DPYD: variants seen among roughly 807,000 people sequenced by gnomAD.
DPYD encodes dihydropyrimidine dehydrogenase [NADP(+)].
In DPYD, 109 loss-of-function variants were observed where a neutral mutation model predicts 116.2. The observed-to-expected ratio is 0.94, with a 90% confidence interval of 0.80 to 1.10. The LOEUF (loss-of-function observed/expected upper bound fraction) is 1.10, where lower values mean the gene tolerates loss of function less well. Among genes scored for constraint, DPYD ranks in the 50% least tolerant of loss-of-function variants. The probability of loss-of-function intolerance (pLI) is 0.00; values close to 1 mark genes in which losing one functional copy is unlikely to be tolerated. For synonymous variants in DPYD, 440 were observed against 432.0 expected (o/e 1.02, Z -0.23); for missense variants, 1,302 against 1,254.5 (o/e 1.04, Z -0.57).
chr1:97,611,872 G>A lies in DPYD; in HGVS notation c.851-16706C>T, dbSNP rs537615005. Among the ~76,000 whole-genome samples the A allele has an allele frequency of 6.6e-5, 10 of 152,126 alleles. No homozygotes were observed. The East Asian group carries it at 1.9e-3, about 29-fold the overall frequency. ...GTGGTACTTAATAGTTACTACACAG[G>A]TGTTAGTTGTAGTAAAACGTATTCT... On this transcript the variant is annotated intron_variant, in intron 8 of 22. Transcript: ENST00000370192.
intron 20 of DPYD, among the ~76,000 whole-genome samples, chr1:97,176,070 CTA>C (rs1207709644): frequency 1.3e-5 from 2 of 152,174 alleles, no homozygotes; most frequent in Non-Finnish European, 2.9e-5. Flanking sequence ...TCAGTGAAGC[CTA>C]TGTCTTGAGT....
intron 20 of DPYD, among the ~76,000 whole-genome samples, chr1:97,177,894 G>A (rs1657399495): frequency 6.6e-6 from 1 of 152,002 alleles, no homozygotes; most frequent in Non-Finnish European, 1.5e-5. Flanking sequence ...TGGGAGATTT[G>A]GTATCTGGGG....
intron 1 of DPYD, among the ~76,000 whole-genome samples, chr1:97,884,040 T>C (rs1347268224): frequency 6.6e-6 from 1 of 151,972 alleles, no homozygotes; most frequent in Non-Finnish European, 1.5e-5. Flanking sequence ...ATTGATATAA[T>C]GACATCATTA....
chr1:97,370,275 A>G (rs1008989268), intron 16 of DPYD, among the ~76,000 whole-genome samples: 1 of 152,198 alleles, frequency 6.6e-6, no homozygotes, highest in East Asian at 1.9e-4. Context: ...AGGGACATGG[A>G]TGAAGCTGGA....
rs1420781688 is a variant in DPYD at position 97,078,808 on chromosome 1, C to T, written c.*168G>A. The T allele has an allele frequency of 3.9e-6, 3 of 760,506 alleles. No homozygotes were observed. The highest frequency in any genetic ancestry group is 3.5e-5 in the African/African-American group (2 of 57,034). 47.1% of individuals were successfully genotyped at this position (760,506 alleles called of 1,614,324 possible). A position where few individuals can be genotyped will look rare whatever the true frequency, so the allele number is the denominator to read the frequency against. On this transcript the variant is annotated 3_prime_UTR_variant, in exon 23 of 23. Coordinates refer to ENST00000370192, the MANE Select transcript of DPYD (RefSeq NM_000110.4). ...TGACCACTAATTGAATGGTCATTGA[C>T]ATGAGACATTTTTTACACTTACAAA... is the stretch of plus-strand genomic sequence containing the variant.
At chr1:97,205,947 G>C (rs148961937) in intron 19 of DPYD, among the ~76,000 whole-genome samples, 1 of 152,094 alleles carries the variant, frequency 6.6e-6, no homozygotes, top group South Asian at 2.1e-4. Context: ...GGCATCTCCA[G>C]CGCTTAATGG....
At chr1:97,877,905 A>G (rs1257564087) in intron 2 of DPYD, among the ~76,000 whole-genome samples, 4 of 152,022 alleles carry the variant, frequency 2.6e-5, no homozygotes, top group Non-Finnish European at 4.4e-5. Flanking sequence ...AGTGGATTTC[A>G]TCTCTTAATA....
chr1:97,177,595 G>GAT (rs10645994), intron 20 of DPYD, among the ~76,000 whole-genome samples: 33,252 of 147,362 alleles, frequency 0.23, 3,963 homozygotes, highest in East Asian at 0.39. Flanking sequence ...ATTCCTATAA[G>GAT]ATATATATAT....
intron 14 of DPYD, among the ~76,000 whole-genome samples, chr1:97,434,803 C>T (rs1478103312): frequency 6.6e-6 from 1 of 151,996 alleles, no homozygotes; most frequent in Non-Finnish European, 1.5e-5. Flanking sequence ...ACAGTGGGGA[C>T]TGTGTGGTCA....
chr1:97,663,672 A>G (rs1275418361), intron 8 of DPYD, among the ~76,000 whole-genome samples: 1 of 152,190 alleles, frequency 6.6e-6, no homozygotes, highest in Non-Finnish European at 1.5e-5. Context: ...CACAAAGTAA[A>G]CACTCAATAA....
At chr1:97,609,369 A>C (rs1322615986) in intron 8 of DPYD, among the ~76,000 whole-genome samples, 1 of 151,994 alleles carries the variant, frequency 6.6e-6, no homozygotes, top group Non-Finnish European at 1.5e-5. Flanking sequence ...TCTACAGAAG[A>C]TAAAGAAAAA....
intron 16 of DPYD, among the ~76,000 whole-genome samples, chr1:97,347,632 G>C (rs185561379): frequency 1.3e-5 from 2 of 151,822 alleles, no homozygotes; most frequent in Non-Finnish European, 2.9e-5. Flanking sequence ...AGGTTGTACC[G>C]GGCTCATAAA....
chr1:97,469,397 C>CAAAAAAAAAAAAAAAAAAAAAAAAACA (rs1677505545), intron 13 of DPYD, among the ~76,000 whole-genome samples: 1 of 80,800 alleles, frequency 1.2e-5, no homozygotes, highest in Non-Finnish European at 2.1e-5. Flanking sequence ...GCTAAAATTG[C>CAAAAAAAAAAAAAAAAAAAAAAAAACA]AAAAAAAAAA....
Position 97,323,422 on chromosome 1 carries a change from A to C in DPYD, c.2059-17125T>G, listed in dbSNP as rs551677172. Among the ~76,000 whole-genome samples the C allele has an allele frequency of 4.9e-5, 7 of 143,666 alleles. 1 individual carries two copies. The highest frequency in any genetic ancestry group is 1.1e-4 in the Non-Finnish European group (7 of 65,498). 94.3% of individuals were successfully genotyped at this position (143,666 alleles called of 152,430 possible). A position where few individuals can be genotyped will look rare whatever the true frequency, so the allele number is the denominator to read the frequency against. On this transcript the variant is annotated intron_variant, in intron 16 of 22. Transcript: ENST00000370192. ...CATATGTGTATATGTACACGTATAT[A>C]TACATATGTGTATATGTACACGTAT...
rs115200570 is a variant in DPYD, at chr1:97,919,511, C to T, written c.39+1373G>A. ...ATTAAAGAGCCAAAAGCCACCCATC[C>T]TAAGTCAACTCCGATATCTTAAATC... On this transcript the variant is annotated intron_variant, in intron 1 of 22. Transcript: ENST00000370192. 6.2e-3 allele frequency among the ~76,000 whole-genome samples: 938 copies of T among 152,318 alleles called. 8 individuals are homozygous for T. The highest frequency in any genetic ancestry group is 0.021 in the African/African-American group (887 of 41,558).
intron 14 of DPYD, 145 bp from the exon 15 acceptor site, chr1:97,382,606 TAGC>T (rs2101565704): frequency 6.2e-6 from 3 of 485,172 alleles, no homozygotes; most frequent in Non-Finnish European, 1.1e-5. Flanking sequence ...CATTAGAAAA[TAGC>T]AGGGTAAGAT....
chr1:97,136,349 G>T (rs1653796959), intron 20 of DPYD, among the ~76,000 whole-genome samples: 1 of 152,100 alleles, frequency 6.6e-6, no homozygotes, highest in Non-Finnish European at 1.5e-5. Flanking sequence ...CACCCTATGA[G>T]GTCAGTACTG....
intron 3 of DPYD, among the ~76,000 whole-genome samples, chr1:97,782,187 T>C (rs966479594): frequency 6.6e-6 from 1 of 152,212 alleles, no homozygotes; most frequent in Non-Finnish European, 1.5e-5. Flanking sequence ...GATACATGAT[T>C]AAACCACTGC....
intron 3 of DPYD, among the ~76,000 whole-genome samples, chr1:97,805,423 TAAAC>T: frequency 6.6e-6 from 1 of 151,930 alleles, no homozygotes; most frequent in African/African-American, 2.4e-5. Flanking sequence ...TTGCTTGAAA[TAAAC>T]AAAACAGAAA....
Sources: gnomAD v4.1 joint callset for allele counts (sites outside exome capture counted in the v4.1 genomes callset) on GRCh38, gnomAD v4.1.1 for gene constraint, MANE v1.5 for transcripts, NCBI Gene and HGNC (gene_info 2026-07-23, HGNC 2026-07-21) for gene names.